Variants in UNC5C observed in about 807,000 individuals in gnomAD.
UNC5C encodes the protein unc-5 netrin receptor C.
UNC5C carries 47 observed loss-of-function variants against 99.8 expected under a neutral mutation model. The ratio of observed to expected loss-of-function variants is 0.47; its 90% confidence interval spans 0.37 to 0.60. The LOEUF (loss-of-function observed/expected upper bound fraction) is 0.60, where lower values mean the gene tolerates loss of function less well. UNC5C is among the 20% of genes least tolerant of loss of function. The pLI, the probability that UNC5C is intolerant of heterozygous loss-of-function variation, is 0.00. For missense variants in UNC5C, 1,062 were observed against 1,165.9 expected, an observed-to-expected ratio of 0.91 and a Z score of 1.30; for synonymous variants, 487 against 452.2, an observed-to-expected ratio of 1.08 and a Z score of -0.98.
rs1282267112 is a variant in UNC5C at position 95,169,282 on chromosome 4, C to A, written c.2748G>T (p.Met916Ile). Residue 916 changes from methionine (M) to isoleucine (I), a missense_variant, in exon 16 of 16, where the codon ATG becomes ATT. By Grantham distance (10) the Met-to-Ile change is conservative (BLOSUM62 1). Transcript: ENST00000453304. The stretch of plus-strand genomic sequence containing the variant: ...AGGACACCACCGTTTCATGTCTTCC[C>A]ATTTCTTCCAAGACAGCTGCCAGCA... ...LSMLAAVLEE[M>I]GRHETVVSLA... is the part of the protein sequence containing the mutation. 1.1e-5 allele frequency: 18 copies of A among 1,614,042 alleles called. No individual in the cohort carries two copies. The highest frequency in any genetic ancestry group is 1.7e-5 in the Admixed American group (1 of 59,992).
rs1745428009 is a variant in UNC5C at position 95,393,839 on chromosome 4, T to C, written c.125-58208A>G. ...TATAGAATCCAAATAGTAATTCTTA[T>C]ACAATCTACTGTTTTTTTTTTTTTA... On this transcript the variant is annotated intron_variant, in intron 1 of 15. Coordinates refer to ENST00000453304, the MANE Select transcript of UNC5C (RefSeq NM_003728.4). 3.4e-5 allele frequency among the ~76,000 whole-genome samples: 5 copies of C among 145,882 alleles called. No individual in the cohort carries two copies. The South Asian group carries it at 1.1e-3, about 33-fold the overall frequency.
At chr4:95,394,719 T>C (rs924853925) in intron 1 of UNC5C, among the ~76,000 whole-genome samples, 3 of 151,600 alleles carry the variant, frequency 2.0e-5, no homozygotes, top group Admixed American at 2.0e-4. Flanking sequence ...TATCCTTTGT[T>C]AGTGTTCTTG....
intron 3 of UNC5C, among the ~76,000 whole-genome samples, chr4:95,279,388 G>A (rs1314701868): frequency 3.3e-5 from 5 of 152,046 alleles, no homozygotes; most frequent in African/African-American, 9.7e-5. Context: ...TTGTTAGATG[G>A]GCACAAAAAT....
At chr4:95,277,303 A>T (rs1259068989) in intron 4 of UNC5C, among the ~76,000 whole-genome samples, 1 of 152,174 alleles carries the variant, frequency 6.6e-6, no homozygotes, top group African/African-American at 2.4e-5. Flanking sequence ...CTTTCAAATG[A>T]CTCAGTGTAG....
intron 1 of UNC5C, among the ~76,000 whole-genome samples, chr4:95,448,769 G>A (rs543043373): frequency 6.6e-6 from 1 of 152,260 alleles, no homozygotes; most frequent in Admixed American, 6.5e-5. Context: ...ACACAGAAAA[G>A]CTCTAAGTAA....
At chr4:95,249,943 A>C (rs1055082374) in intron 5 of UNC5C, among the ~76,000 whole-genome samples, 4 of 152,168 alleles carry the variant, frequency 2.6e-5, no homozygotes. Flanking sequence ...GAGGGTTTGC[A>C]ATGATAAGAC....
At chr4:95,291,936 T>A (rs1164071905) in intron 3 of UNC5C, among the ~76,000 whole-genome samples, 3 of 152,050 alleles carry the variant, frequency 2.0e-5, no homozygotes, top group Non-Finnish European at 4.4e-5. Context: ...ATGCCATTTA[T>A]TCTGGTGTAC....
intron 1 of UNC5C, 41 bp from the exon 2 acceptor site, chr4:95,335,672 T>C: frequency 6.6e-7 from 1 of 1,509,948 alleles, no homozygotes. Context: ...TAACACATTG[T>C]AACAACTTGC....
intron 7 of UNC5C, among the ~76,000 whole-genome samples, chr4:95,221,135 AAAAC>A (rs1448971780): frequency 6.6e-6 from 1 of 152,214 alleles, no homozygotes; most frequent in Non-Finnish European, 1.5e-5. Context: ...GCTGATAATT[AAAAC>A]AAACAAATGA....
chr4:95,310,510 C>T (rs1486031502), intron 2 of UNC5C, among the ~76,000 whole-genome samples: 1 of 152,070 alleles, frequency 6.6e-6, no homozygotes, highest in Non-Finnish European at 1.5e-5. Flanking sequence ...TTAGCCATTC[C>T]ATGATATATA....
intron 7 of UNC5C, among the ~76,000 whole-genome samples, chr4:95,235,180 A>G (rs1338849521): frequency 6.6e-6 from 1 of 152,206 alleles, no homozygotes; most frequent in East Asian, 1.9e-4. Flanking sequence ...AGTCAGTGAC[A>G]TTGCTAGTTC....
chr4:95,439,807 A>G (rs1242866685), intron 1 of UNC5C, among the ~76,000 whole-genome samples: 1 of 152,160 alleles, frequency 6.6e-6, no homozygotes, highest in Non-Finnish European at 1.5e-5. Context: ...CCCATATGTC[A>G]GGGCGTGTAT....
At chr4:95,454,222 A>G (rs1747368411) in intron 1 of UNC5C, among the ~76,000 whole-genome samples, 1 of 152,110 alleles carries the variant, frequency 6.6e-6, no homozygotes, top group Admixed American at 6.6e-5. Flanking sequence ...GGCAGTTTGA[A>G]ATAGGCATTC....
At chr4:95,456,691 T>A (rs1747435861) in intron 1 of UNC5C, among the ~76,000 whole-genome samples, 1 of 152,146 alleles carries the variant, frequency 6.6e-6, no homozygotes, top group South Asian at 2.1e-4. Context: ...TTGAAGAAGG[T>A]GAAGTTATGT....
intron 12 of UNC5C, 114 bp from the exon 13 acceptor site, chr4:95,185,310 A>G: frequency 8.0e-7 from 1 of 1,244,212 alleles, no homozygotes; most frequent in Non-Finnish European, 1.1e-6. Context: ...GAACTTGTGC[A>G]ACACCTTGAA....
chr4:95,530,616 A>G lies in UNC5C; in HGVS notation c.124+18118T>C, dbSNP rs113303718. Among the ~76,000 whole-genome samples, 677 of 152,322 alleles carry G rather than the reference A, an allele frequency of 4.4e-3. 3 individuals carry two copies. Among genetic ancestry groups the G allele is most frequent in the Non-Finnish European group, 6.9e-3 (468 of 68,034 alleles). On this transcript the variant is annotated intron_variant, in intron 1 of 15. Transcript: ENST00000453304. ...TGAGAGAAATATTGAAGTATATTGC[A>G]CTATCAAAATAACAACGCTAAGTGC... is the stretch of plus-strand genomic sequence containing the variant.
intron 4 of UNC5C, among the ~76,000 whole-genome samples, chr4:95,276,313 T>C (rs894302831): frequency 5.9e-5 from 9 of 152,224 alleles, no homozygotes; most frequent in African/African-American, 2.2e-4. Flanking sequence ...TTAAATATAG[T>C]TCTTTGAATG....
chr4:95,336,808 C>T (rs1426520961), intron 1 of UNC5C, among the ~76,000 whole-genome samples: 1 of 151,922 alleles, frequency 6.6e-6, no homozygotes, highest in South Asian at 2.1e-4. Context: ...ATGTTGTTTC[C>T]TATACCTAGA....
chr4:95,496,731 G>T (rs935059107), intron 1 of UNC5C, among the ~76,000 whole-genome samples: 4 of 151,550 alleles, frequency 2.6e-5, no homozygotes, highest in African/African-American at 9.7e-5. Flanking sequence ...GGTGGTTCTT[G>T]GTTACATGGA....
Sources: gnomAD v4.1 joint callset for allele counts (sites outside exome capture counted in the v4.1 genomes callset) on GRCh38, gnomAD v4.1.1 for gene constraint, MANE v1.5 for transcripts, NCBI Gene and HGNC (gene_info 2026-07-23, HGNC 2026-07-21) for gene names.